The following PTPRN2 variants were observed in gnomAD, a reference collection of about 807,000 sequenced individuals.
The protein encoded by PTPRN2 is receptor-type tyrosine-protein phosphatase N2.
PTPRN2 carries 74 observed loss-of-function variants against 118.8 expected under a neutral mutation model. The ratio of observed to expected loss-of-function variants is 0.62; its 90% confidence interval spans 0.52 to 0.76. The LOEUF is 0.76. PTPRN2 is among the 30% of genes least tolerant of loss of function. PTPRN2 has a pLI of 0.00. For missense variants in PTPRN2, 1,481 were observed against 1,394.4 expected, an observed-to-expected ratio of 1.06 and a Z score of -0.99; for synonymous variants, 641 against 608.0, an observed-to-expected ratio of 1.05 and a Z score of -0.80.
At position 158,205,081 on chromosome 7, in the gene PTPRN2, C is replaced by T; in HGVS notation, c.380+90G>A. On this transcript the variant is annotated intron_variant, in intron 4 of 22. Transcript: ENST00000389418. ...CAGAAAGATGGTGGGTGCTTTGCTA[C>T]ATTAAAACAAACAAACAAACAAATA... is the stretch of plus-strand genomic sequence containing the variant. 3 of 1,130,378 alleles carry T rather than the reference C, an allele frequency of 2.7e-6. No homozygotes were observed. In the East Asian group the frequency reaches 7.2e-5, roughly 27 times the overall value. 70.0% of individuals were successfully genotyped at this position (1,130,378 alleles called of 1,614,324 possible).
At chr7:158,392,530 C>T (rs1374792355) in intron 2 of PTPRN2, among the ~76,000 whole-genome samples, 1 of 152,228 alleles carries the variant, frequency 6.6e-6, no homozygotes, top group African/African-American at 2.4e-5. Flanking sequence ...CACGTGGGGG[C>T]ACGGCCCCAG....
At chr7:158,508,334 G>A (rs1822924329) in intron 1 of PTPRN2, among the ~76,000 whole-genome samples, 1 of 152,228 alleles carries the variant, frequency 6.6e-6, no homozygotes, top group Admixed American at 6.5e-5. Flanking sequence ...ACAGGCTGCT[G>A]AGCAGTGAGG....
At chr7:157,554,790 C>T (rs556980936) in intron 21 of PTPRN2, among the ~76,000 whole-genome samples, 60 of 152,366 alleles carry the variant, frequency 3.9e-4, no homozygotes, top group African/African-American at 1.2e-3. Context: ...GTGGGGTCCA[C>T]GGAGAAGTCC....
At chr7:158,328,781 C>G (rs55658439) in intron 2 of PTPRN2, among the ~76,000 whole-genome samples, 1 of 123,626 alleles carries the variant, frequency 8.1e-6, no homozygotes, top group African/African-American at 3.5e-5. Flanking sequence ...TCACTAGGAG[C>G]GGGGCCTCCA....
intron 2 of PTPRN2, among the ~76,000 whole-genome samples, chr7:158,418,547 G>A (rs565445055): frequency 2.9e-5 from 2 of 69,612 alleles, no homozygotes; most frequent in African/African-American, 8.1e-5. Context: ...AGATGCTGTA[G>A]CTCTCCATGT....
intron 11 of PTPRN2, among the ~76,000 whole-genome samples, chr7:158,043,745 G>A (rs763754315): frequency 1.1e-4 from 16 of 152,366 alleles, no homozygotes; most frequent in Non-Finnish European, 1.2e-4. Flanking sequence ...GGGCACCCAA[G>A]TAAGCAAGCC....
intron 12 of PTPRN2, among the ~76,000 whole-genome samples, chr7:157,775,938 G>A (rs10247078): frequency 5.3e-5 from 8 of 151,978 alleles, no homozygotes; most frequent in Non-Finnish European, 1.0e-4. Context: ...GGAGACCGCC[G>A]CAAAATGCAG....
rs73526814 is a variant in PTPRN2, at chr7:158,467,395, G to T, written c.163+22340C>A. ...CTATGGTTTTTCAACATTTTCTCCC[G>T]CCCTGTAGGCTGCCTTTTCATTTTG... is the stretch of plus-strand genomic sequence containing the variant. On this transcript the variant is annotated intron_variant, in intron 2 of 22. Transcript: ENST00000389418. Among the ~76,000 whole-genome samples, 9 of 151,888 alleles carry T rather than the reference G, an allele frequency of 5.9e-5. No homozygotes were observed. The East Asian group carries it at 1.7e-3, about 29-fold the overall frequency.
intron 10 of PTPRN2, among the ~76,000 whole-genome samples, chr7:158,083,940 G>GGTTCTTCCCTAAAACCCATAGTGGCT (rs1236638125): frequency 6.6e-6 from 1 of 151,696 alleles, no homozygotes; most frequent in Non-Finnish European, 1.5e-5. Flanking sequence ...AATATGTGCA[G>GGTTCTTCCCTAAAACCCATAGTGGCT]GCTCTGACGT....
chr7:158,148,560 A>G (rs1820460776), intron 6 of PTPRN2, among the ~76,000 whole-genome samples: 1 of 90,036 alleles, frequency 1.1e-5, no homozygotes. Flanking sequence ...CTGACACCCC[A>G]TCTCACGCCA....
intron 5 of PTPRN2, among the ~76,000 whole-genome samples, chr7:158,186,146 T>C (rs1427831456): frequency 6.6e-6 from 1 of 152,216 alleles, no homozygotes; most frequent in African/African-American, 2.4e-5. Flanking sequence ...AAGAGTTTCT[T>C]AAAATTTAGG....
rs78807241 is a variant in PTPRN2 at position 158,506,806 on chromosome 7, C to T, written c.113-17021G>A. On this transcript the variant is annotated intron_variant, in intron 1 of 22. Coordinates refer to ENST00000389418, the MANE Select transcript of PTPRN2 (RefSeq NM_002847.5). ...AGGCCTGGGTGTCTCCTCACTCCCC[C>T]GCCCCTCCGCCATCGCCATAGGAAG... Among the ~76,000 whole-genome samples the T allele has an allele frequency of 1.9e-3, 289 of 152,244 alleles. 7 individuals carry two copies. In the East Asian group the frequency reaches 0.034, roughly 18 times the overall value.
intron 12 of PTPRN2, among the ~76,000 whole-genome samples, chr7:157,725,135 G>T (rs919381770): frequency 2.0e-5 from 3 of 151,926 alleles, no homozygotes; most frequent in Non-Finnish European, 2.9e-5. Context: ...TGGGAGAACT[G>T]GATATCTACA....
In PTPRN2 at chr7:157,992,913, G is replaced by C. The variant is rs114797120; in HGVS notation, c.1723+88385C>G. Among the ~76,000 whole-genome samples the C allele has an allele frequency of 8.6e-3, 1,314 of 152,400 alleles. 23 individuals are homozygous for C. Among genetic ancestry groups the C allele is most frequent in the African/African-American group, 0.03 (1,254 of 41,600 alleles). ...GCAGGCCCCTTGAAGGGGACACACA[G>C]ACGCCAGGAGACAGACGCGTGGCGG... is the stretch of plus-strand genomic sequence containing the variant. On this transcript the variant is annotated intron_variant, in intron 11 of 22. Coordinates refer to ENST00000389418, the MANE Select transcript of PTPRN2 (RefSeq NM_002847.5).
intron 11 of PTPRN2, among the ~76,000 whole-genome samples, chr7:157,998,848 A>G (rs1804994887): frequency 6.6e-6 from 1 of 151,436 alleles, no homozygotes; most frequent in South Asian, 2.1e-4. Context: ...CTCTACTTCA[A>G]GTTGTAATTC....
chr7:157,963,734 T>G (rs1463147618), intron 11 of PTPRN2, among the ~76,000 whole-genome samples: 4 of 152,222 alleles, frequency 2.6e-5, no homozygotes, highest in Non-Finnish European at 4.4e-5. Context: ...TGAGGTCCCC[T>G]TGGCTTCCTG....
intron 12 of PTPRN2, among the ~76,000 whole-genome samples, chr7:157,777,648 A>G (rs1416253801): frequency 1.3e-5 from 2 of 152,214 alleles, no homozygotes; most frequent in East Asian, 1.9e-4. Context: ...GTGGATTCAG[A>G]GCTAGGGCCA....
At chr7:157,809,818 T>G (rs1311500947) in intron 12 of PTPRN2, among the ~76,000 whole-genome samples, 2 of 152,172 alleles carry the variant, frequency 1.3e-5, no homozygotes, top group South Asian at 4.1e-4. Flanking sequence ...GCCACCCAGT[T>G]TGTGGCACTT....
chr7:157,775,712 G>A (rs938474749), intron 12 of PTPRN2, among the ~76,000 whole-genome samples: 2 of 152,144 alleles, frequency 1.3e-5, no homozygotes, highest in East Asian at 1.9e-4. Context: ...GAAGCTCCAC[G>A]CCCTGGGGTA....
Sources: allele counts gnomAD v4.1 joint callset (sites outside exome capture counted in the v4.1 genomes callset), GRCh38; gene constraint gnomAD v4.1.1; transcripts MANE v1.5; gene names NCBI Gene and HGNC (gene_info 2026-07-23, HGNC 2026-07-21).